The following TMEM132D variants were observed in gnomAD, a reference collection of about 807,000 sequenced individuals.
TMEM132D encodes the protein transmembrane protein 132D.
TMEM132D carries 21 observed loss-of-function variants against 62.3 expected under a neutral mutation model. That is an observed-to-expected ratio of 0.34 (90% confidence interval 0.24 to 0.49). The LOEUF is 0.49. TMEM132D is among the 20% of genes least tolerant of loss of function. The pLI is 0.99. For synonymous variants in TMEM132D, 621 were observed against 575.6 expected (o/e 1.08, Z -1.13); for missense variants, 1,346 against 1,402.8 (o/e 0.96, Z 0.65).
chr12:129,686,769 T>C (rs1880931328), intron 2 of TMEM132D, among the ~76,000 whole-genome samples: 1 of 152,200 alleles, frequency 6.6e-6, no homozygotes, highest in Admixed American at 6.5e-5. Context: ...CACCCATTCA[T>C]ATTGATTTCT....
chr12:129,382,321 G>C (rs1870975088), intron 3 of TMEM132D, among the ~76,000 whole-genome samples: 1 of 152,128 alleles, frequency 6.6e-6, no homozygotes, highest in Non-Finnish European at 1.5e-5. Flanking sequence ...CCATTAAGTT[G>C]ACAAGGAGTA....
intron 5 of TMEM132D, among the ~76,000 whole-genome samples, chr12:129,151,986 T>C (rs939820538): frequency 1.3e-5 from 2 of 151,514 alleles, no homozygotes; most frequent in Admixed American, 6.6e-5. Flanking sequence ...CAAACGATTC[T>C]CCTGCCTCAG....
intron 2 of TMEM132D, among the ~76,000 whole-genome samples, chr12:129,594,291 T>C (rs1878275778): frequency 6.6e-6 from 1 of 152,142 alleles, no homozygotes; most frequent in Admixed American, 6.5e-5. Context: ...ATTTGTACAT[T>C]TCAGGTGAGT....
chr12:129,268,108 C>A (rs553511615), intron 4 of TMEM132D, among the ~76,000 whole-genome samples: 1 of 152,190 alleles, frequency 6.6e-6, no homozygotes, highest in Non-Finnish European at 1.5e-5. Flanking sequence ...CAATACCATT[C>A]AGGACATAGG....
chr12:129,805,224 G>A (rs369654691), intron 1 of TMEM132D, among the ~76,000 whole-genome samples: 14 of 151,904 alleles, frequency 9.2e-5, no homozygotes, highest in Non-Finnish European at 1.6e-4. Flanking sequence ...AAAAGAGCCC[G>A]CATCACCAAG....
chr12:129,641,153 C>T (rs1879631833), intron 2 of TMEM132D, among the ~76,000 whole-genome samples: 1 of 152,156 alleles, frequency 6.6e-6, no homozygotes, highest in Non-Finnish European at 1.5e-5. Context: ...CTGCCCCGGT[C>T]CATGGAAAAA....
chr12:129,777,891 C>T (rs958909782), intron 1 of TMEM132D, among the ~76,000 whole-genome samples: 17 of 151,950 alleles, frequency 1.1e-4, no homozygotes, highest in Non-Finnish European at 1.8e-4. Flanking sequence ...CCCAGCACTT[C>T]GGGAAGCCGA....
chr12:129,590,471 G>T (rs760401171), intron 2 of TMEM132D, among the ~76,000 whole-genome samples: 5 of 152,118 alleles, frequency 3.3e-5, no homozygotes, highest in Non-Finnish European at 7.3e-5. Flanking sequence ...GCTTCCAAAC[G>T]TTATTTCACT....
intron 4 of TMEM132D, among the ~76,000 whole-genome samples, chr12:129,292,368 T>A (rs558412165): frequency 1.7e-4 from 26 of 152,266 alleles, no homozygotes; most frequent in Middle Eastern, 3.4e-3. Flanking sequence ...TGTAACTGAC[T>A]CCCGAGGAGC....
intron 2 of TMEM132D, among the ~76,000 whole-genome samples, chr12:129,542,567 C>T (rs1027668785): frequency 2.6e-5 from 4 of 152,066 alleles, no homozygotes; most frequent in East Asian, 3.9e-4. Flanking sequence ...AGACATCTAT[C>T]GTCAAACTTC....
intron 1 of TMEM132D, among the ~76,000 whole-genome samples, chr12:129,729,104 A>G (rs1017783022): frequency 6.6e-5 from 10 of 152,212 alleles, no homozygotes; most frequent in Admixed American, 6.5e-4. Context: ...TATTGCAAAA[A>G]TCAACAGAAT....
intron 1 of TMEM132D, among the ~76,000 whole-genome samples, chr12:129,767,150 G>T (rs1312356213): frequency 6.6e-6 from 1 of 152,204 alleles, no homozygotes; most frequent in Non-Finnish European, 1.5e-5. Flanking sequence ...CCAAGAAGCT[G>T]CCCTGTATCA....
chr12:129,869,623 G>GAAT (rs1874178971), intron 1 of TMEM132D, among the ~76,000 whole-genome samples: 1 of 152,146 alleles, frequency 6.6e-6, no homozygotes, highest in Non-Finnish European at 1.5e-5. Flanking sequence ...CAGAACCCAC[G>GAAT]AATACAGAGC....
At chr12:129,334,509 T>C (rs2135654304) in intron 4 of TMEM132D, among the ~76,000 whole-genome samples, 1 of 152,308 alleles carries the variant, frequency 6.6e-6, no homozygotes, top group Middle Eastern at 3.4e-3. Flanking sequence ...TCAGAACCAC[T>C]ACCAATACAA....
chr12:129,251,264 C>T (rs1224779003), intron 4 of TMEM132D, among the ~76,000 whole-genome samples: 1 of 144,808 alleles, frequency 6.9e-6, no homozygotes, highest in South Asian at 2.2e-4. Context: ...GAGGCTGAGG[C>T]AGGAGAATCA....
chr12:129,646,830 G>A lies in TMEM132D; in HGVS notation c.968+52980C>T, dbSNP rs1309102726. On this transcript the variant is annotated intron_variant, in intron 2 of 8. Coordinates refer to ENST00000422113, the MANE Select transcript of TMEM132D (RefSeq NM_133448.3). ...TTTTTTTTTTTTGATATGGAGTTTT[G>A]CTCTTGTCACCCAGGCTACAGTGCA... Among the ~76,000 whole-genome samples, 3 of 125,402 alleles carry A rather than the reference G, an allele frequency of 2.4e-5. No individual in the cohort carries two copies. The South Asian group carries it at 7.3e-4, about 30-fold the overall frequency. 82.3% of individuals were successfully genotyped at this position (125,402 alleles called of 152,430 possible). A position where few individuals can be genotyped will look rare whatever the true frequency, so the allele number is the denominator to read the frequency against.
chr12:129,137,643 C>A (rs1029450725), intron 5 of TMEM132D, among the ~76,000 whole-genome samples: 1 of 152,174 alleles, frequency 6.6e-6, no homozygotes, highest in Non-Finnish European at 1.5e-5. Context: ...GCTTATCATC[C>A]ATTTCCTGGG....
intron 3 of TMEM132D, among the ~76,000 whole-genome samples, chr12:129,516,485 G>A (rs1033771926): frequency 2.0e-5 from 3 of 152,188 alleles, no homozygotes; most frequent in African/African-American, 7.2e-5. Context: ...TTACATGGTG[G>A]CAGACAGGAG....
At chr12:129,413,736 T>C (rs1872036039) in intron 3 of TMEM132D, among the ~76,000 whole-genome samples, 1 of 152,222 alleles carries the variant, frequency 6.6e-6, no homozygotes, top group Admixed American at 6.5e-5. Context: ...AACTCTTACC[T>C]TGATCTTGGG....
Sources: gnomAD v4.1 joint callset for allele counts (sites outside exome capture counted in the v4.1 genomes callset) on GRCh38, gnomAD v4.1.1 for gene constraint, MANE v1.5 for transcripts, NCBI Gene and HGNC (gene_info 2026-07-23, HGNC 2026-07-21) for gene names.